Variants in LRP1B observed in about 807,000 individuals in gnomAD.
LRP1B encodes low-density lipoprotein receptor-related protein 1B.
A neutral mutation model predicts 556.6 loss-of-function variants in LRP1B; 217 were observed. The observed-to-expected ratio is 0.39, with a 90% confidence interval of 0.35 to 0.44. LRP1B has a LOEUF of 0.44. Among genes scored for constraint, LRP1B ranks in the 20% least tolerant of loss-of-function variants. LRP1B has a pLI of 1.00. For missense variants in LRP1B, 5,053 were observed against 5,620.8 expected (o/e 0.90, Z 3.23); for synonymous variants, 2,047 against 1,865.8 (o/e 1.10, Z -2.50).
chr2:141,643,000 G>A (rs897365405), intron 2 of LRP1B, among the ~76,000 whole-genome samples: 22 of 152,056 alleles, frequency 1.4e-4, no homozygotes, highest in African/African-American at 4.8e-4. Context: ...AAACTTAAGG[G>A]TCATGCTATT....
Position 140,683,507 on chromosome 2 carries a change from C to T in LRP1B, c.6799+16743G>A, listed in dbSNP as rs567385448. 3.9e-4 allele frequency: 228 copies of T among 589,392 alleles called. 1 individual carries two copies. The highest frequency in any genetic ancestry group is 9.7e-4 in the Admixed American group (45 of 46,160). 36.5% of individuals were successfully genotyped at this position (589,392 alleles called of 1,614,324 possible). ...AAGGTTTGAGATCTTGAGAAACGCT[C>T]CCCTGGATGTCGTCAGCATCATATG... On this transcript the variant is annotated intron_variant, in intron 41 of 90. Coordinates refer to ENST00000389484, the MANE Select transcript of LRP1B (RefSeq NM_018557.3).
At chr2:140,560,309 C>T (rs931538740) in intron 43 of LRP1B, among the ~76,000 whole-genome samples, 3 of 151,862 alleles carry the variant, frequency 2.0e-5, no homozygotes, top group African/African-American at 7.3e-5. Flanking sequence ...AGGATTTGAC[C>T]CTGGTTTAGA....
chr2:140,752,808 C>T (rs1559097645), intron 35 of LRP1B, among the ~76,000 whole-genome samples: 5 of 152,090 alleles, frequency 3.3e-5, no homozygotes, highest in African/African-American at 1.2e-4. Context: ...CACATATGCA[C>T]AGCCTCTCTC....
At chr2:140,777,920 A>AC (rs1240188662) in intron 32 of LRP1B, among the ~76,000 whole-genome samples, 2 of 151,818 alleles carry the variant, frequency 1.3e-5, no homozygotes, top group Non-Finnish European at 2.9e-5. Flanking sequence ...ATGGTAGGAA[A>AC]AAAGTAAAAA....
rs116650561 is a variant in LRP1B at position 142,116,837 on chromosome 2, T to C, written c.82+13811A>G. 2.3e-3 allele frequency among the ~76,000 whole-genome samples: 348 copies of C among 152,258 alleles called. 2 individuals are homozygous for C. Among genetic ancestry groups the C allele is most frequent in the African/African-American group, 8.2e-3 (342 of 41,572 alleles). On this transcript the variant is annotated intron_variant, in intron 1 of 90. Transcript: ENST00000389484. ...GAAGTCTGAAGTCAGTGTGTGGTAA[T>C]AGAGCACACAGTTGGCCCTTGTTTA... is the stretch of plus-strand genomic sequence containing the variant.
intron 3 of LRP1B, among the ~76,000 whole-genome samples, chr2:141,423,317 A>T (rs11903216): frequency 0.039 from 1,685 of 42,776 alleles, 85 homozygotes; most frequent in Middle Eastern, 0.083. Flanking sequence ...TTTTTTTTTT[A>T]AGGGCAAATA....
In LRP1B at chr2:141,453,064, C is replaced by T. The variant is rs897158939; in HGVS notation, c.343+27332G>A. Among the ~76,000 whole-genome samples, 10 of 151,914 alleles carry T rather than the reference C, an allele frequency of 6.6e-5. No homozygotes were observed. The South Asian group carries it at 1.0e-3, about 16-fold the overall frequency. On this transcript the variant is annotated intron_variant, in intron 3 of 90. Coordinates refer to ENST00000389484, the MANE Select transcript of LRP1B (RefSeq NM_018557.3). ...CAGGTTGGCCAACATGGTGAATACCCGTCTCTACTAAAATATACAAAAATT... is the reference window on the plus strand; with the variant it reads ...CAGGTTGGCCAACATGGTGAATACCTGTCTCTACTAAAATATACAAAAATT...
intron 2 of LRP1B, among the ~76,000 whole-genome samples, chr2:141,807,317 C>A (rs751167129): frequency 2.0e-4 from 30 of 151,788 alleles, no homozygotes; most frequent in Non-Finnish European, 2.9e-4. Flanking sequence ...TGATGGAAAC[C>A]ATTTATAGGG....
At chr2:141,805,789 G>C (rs1262653012) in intron 2 of LRP1B, 1 of 152,134 alleles carries the variant, frequency 6.6e-6, no homozygotes, top group African/African-American at 2.4e-5. Flanking sequence ...ATATGCAGCA[G>C]AGATCGTATG....
intron 11 of LRP1B, among the ~76,000 whole-genome samples, chr2:141,036,169 C>T (rs1443934517): frequency 2.0e-5 from 3 of 151,670 alleles, no homozygotes; most frequent in Non-Finnish European, 2.9e-5. Context: ...CCAGGAGAAA[C>T]AGAACACATA....
chr2:140,658,273 A>G (rs1469053602), intron 41 of LRP1B, among the ~76,000 whole-genome samples: 1 of 152,072 alleles, frequency 6.6e-6, no homozygotes, highest in Non-Finnish European at 1.5e-5. Flanking sequence ...ATATAAAAAC[A>G]AATTAATGGC....
chr2:141,734,133 A>C (rs1574298358), intron 2 of LRP1B, among the ~76,000 whole-genome samples: 1 of 152,134 alleles, frequency 6.6e-6, no homozygotes, highest in African/African-American at 2.4e-5. Context: ...AGTGCTTACT[A>C]TAAGCCAAGG....
chr2:141,228,248 A>C (rs1683320364), intron 6 of LRP1B, among the ~76,000 whole-genome samples: 1 of 152,208 alleles, frequency 6.6e-6, no homozygotes, highest in Admixed American at 6.5e-5. Context: ...CGAATTTGTA[A>C]GAAACACTTT....
At chr2:142,123,997 A>G (rs766104295) in intron 1 of LRP1B, among the ~76,000 whole-genome samples, 14 of 152,092 alleles carry the variant, frequency 9.2e-5, no homozygotes, top group Non-Finnish European at 1.3e-4. Flanking sequence ...TCATTATTAA[A>G]CAAATATGAG....
chr2:142,057,893 C>T (rs1704737870), intron 1 of LRP1B, among the ~76,000 whole-genome samples: 1 of 152,132 alleles, frequency 6.6e-6, no homozygotes, highest in African/African-American at 2.4e-5. Context: ...CCTTGTGTCT[C>T]TTCAACTTCC....
chr2:140,708,250 G>T (rs1686910381), intron 37 of LRP1B, among the ~76,000 whole-genome samples: 1 of 151,742 alleles, frequency 6.6e-6, no homozygotes, highest in Admixed American at 6.6e-5. Context: ...AACAACTTCA[G>T]AATTTTTTTT....
At chr2:140,947,625 A>G (rs894709509) in intron 20 of LRP1B, among the ~76,000 whole-genome samples, 5 of 152,222 alleles carry the variant, frequency 3.3e-5, no homozygotes, top group African/African-American at 1.2e-4. Context: ...TACAACTTCT[A>G]TACCAGAATA....
At position 141,590,787 on chromosome 2, in the gene LRP1B, C is replaced by T. The variant is rs76896911; in HGVS notation, c.206-110254G>A. On this transcript the variant is annotated intron_variant, in intron 2 of 90. Transcript: ENST00000389484. Reference sequence around the variant, plus strand: ...GCTACCAGATATGCCGGGCTGCTGACGTAAAATCATTGCCACATGACAGTG... The same window carrying T: ...GCTACCAGATATGCCGGGCTGCTGATGTAAAATCATTGCCACATGACAGTG... 8.0e-3 allele frequency among the ~76,000 whole-genome samples: 1,219 copies of T among 152,148 alleles called. 18 individuals are homozygous for T. Among genetic ancestry groups the T allele is most frequent in the African/African-American group, 0.028 (1,161 of 41,492 alleles).
At chr2:140,498,300 T>C (rs911041558) in intron 55 of LRP1B, among the ~76,000 whole-genome samples, 23 of 152,022 alleles carry the variant, frequency 1.5e-4, no homozygotes, top group Middle Eastern at 3.4e-3. Context: ...TCTATTTCTC[T>C]CAGGAAAATT....
Sources: allele counts gnomAD v4.1 joint callset (sites outside exome capture counted in the v4.1 genomes callset), GRCh38; gene constraint gnomAD v4.1.1; transcripts MANE v1.5; gene names NCBI Gene and HGNC (gene_info 2026-07-23, HGNC 2026-07-21).